Variants in SVOPL observed in about 807,000 individuals in gnomAD.
SVOPL encodes putative transporter SVOPL.
SVOPL carries 60 observed loss-of-function variants against 61.0 expected under a neutral mutation model. That is an observed-to-expected ratio of 0.98 (90% CI 0.80 to 1.22). The LOEUF (loss-of-function observed/expected upper bound fraction) is 1.22, where lower values mean the gene tolerates loss of function less well. Ranked by LOEUF, SVOPL falls within the 50% of genes most tolerant of loss-of-function variation. SVOPL has a pLI of 0.00. For missense variants in SVOPL, 662 were observed against 643.9 expected (o/e 1.03, Z -0.30); for synonymous variants, 279 against 250.0 (o/e 1.12, Z -1.09).
At chr7:138,610,362 T>C (rs1327953934) in intron 14 of SVOPL, among the ~76,000 whole-genome samples, 1 of 152,034 alleles carries the variant, frequency 6.6e-6, no homozygotes, top group Non-Finnish European at 1.5e-5. Flanking sequence ...TTTTTTTTTT[T>C]ATTTGAGCCT....
At chr7:138,623,328 C>T (rs888594597) in intron 13 of SVOPL, among the ~76,000 whole-genome samples, 4 of 152,232 alleles carry the variant, frequency 2.6e-5, no homozygotes, top group African/African-American at 4.8e-5. Context: ...TGGCTGGGCA[C>T]GGTGGCTCAC....
At chr7:138,637,475 GAT>G (rs1198640384) in intron 9 of SVOPL, among the ~76,000 whole-genome samples, 43 of 14,140 alleles carry the variant, frequency 3.0e-3, no homozygotes, top group African/African-American at 0.012. Context: ...TATAGATATA[GAT>G]ATAGATATAG....
intron 9 of SVOPL, 106 bp from the exon 10 acceptor site, chr7:138,630,228 T>C (rs1028282898): frequency 5.5e-6 from 5 of 910,192 alleles, no homozygotes; most frequent in African/African-American, 1.6e-5. Context: ...TGGAGCATGG[T>C]GGCCTGCGAT....
At chr7:138,648,532 CCA>C (rs1491527944) in intron 8 of SVOPL, among the ~76,000 whole-genome samples, 8,811 of 103,980 alleles carry the variant, frequency 0.085, 213 homozygotes, top group Non-Finnish European at 0.11. Flanking sequence ...TACTAAAAAT[CCA>C]AAAAAAAAAA....
chr7:138,675,326 C>T (rs1037821705), intron 3 of SVOPL, among the ~76,000 whole-genome samples: 2 of 152,056 alleles, frequency 1.3e-5, no homozygotes, highest in East Asian at 3.9e-4. Flanking sequence ...CACATGGCTA[C>T]CTCCAGATCA....
chr7:138,652,118 C>T (rs929701748), intron 7 of SVOPL, among the ~76,000 whole-genome samples: 1 of 152,010 alleles, frequency 6.6e-6, no homozygotes, highest in Admixed American at 6.6e-5. Flanking sequence ...GAGACAGGAT[C>T]TTGGCTCACT....
rs766693719 is a variant in SVOPL, at chr7:138,621,053, A to G, written c.1346T>C (p.Ile449Thr). The change falls in exon 14 of 16, where the codon ATA (isoleucine) becomes ACA (threonine). Residue 449 changes from isoleucine (I) to threonine (T), a missense_variant. Transcript: ENST00000674285. The stretch of plus-strand genomic sequence containing the variant: ...CAGGGTCCTTGGCTGTACCTGGGAT[A>G]TAAATGGTGCCACCATTGCACCAAT... Reference protein sequence around the residue: ...CRIGAMVAPFISQVLMSASIL... With the variant: ...CRIGAMVAPFTSQVLMSASIL... 1 of 1,613,640 alleles carries G rather than the reference A, an allele frequency of 6.2e-7. No homozygotes were observed. Among genetic ancestry groups the G allele is most frequent in the East Asian group, 2.2e-5 (1 of 44,830 alleles).
intron 4 of SVOPL, among the ~76,000 whole-genome samples, chr7:138,670,453 T>C (rs1478823353): frequency 6.6e-6 from 1 of 152,154 alleles, no homozygotes; most frequent in Non-Finnish European, 1.5e-5. Context: ...TTTCAGACTT[T>C]TGCATTTTTG....
chr7:138,660,086 G>C, intron 5 of SVOPL, 98 bp from the exon 6 acceptor site: 2 of 1,504,984 alleles, frequency 1.3e-6, no homozygotes, highest in Admixed American at 4.2e-5. Flanking sequence ...CATCCTGATA[G>C]TTGCTTCTCT....
chr7:138,630,670 T>C (rs1412371800), intron 9 of SVOPL, among the ~76,000 whole-genome samples: 4 of 152,052 alleles, frequency 2.6e-5, no homozygotes. Context: ...GGGCTGGGTG[T>C]GGGGGCTCAC....
chr7:138,644,998 G>A (rs531872999), intron 8 of SVOPL, among the ~76,000 whole-genome samples, 153 bp from the exon 9 acceptor site: 5 of 152,226 alleles, frequency 3.3e-5, no homozygotes, highest in African/African-American at 1.2e-4. Context: ...GTATTCTGTT[G>A]GATTCAAAGT....
chr7:138,594,381 C>A lies in SVOPL; in HGVS notation c.*229G>T. 3.1e-6 allele frequency: 1 copy of A among 325,846 alleles called. No individual in the cohort carries two copies. Among genetic ancestry groups the A allele is most frequent in the Non-Finnish European group, 5.5e-6 (1 of 180,218 alleles). The allele number at this position is 325,846 out of a possible 1,614,324, so 20.2% of individuals were successfully genotyped here. A position where few individuals can be genotyped will look rare whatever the true frequency, so the allele number is the denominator to read the frequency against. ...CCCCCCACCATCTCCCTCTCACACC[C>A]CTTTGAAAGCTTAAATTATATTTTA... On this transcript the variant is annotated 3_prime_UTR_variant, in exon 16 of 16. Coordinates refer to ENST00000674285, the MANE Select transcript of SVOPL (RefSeq NM_001139456.2).
At chr7:138,663,817 G>A (rs1228351446) in intron 4 of SVOPL, among the ~76,000 whole-genome samples, 2 of 150,180 alleles carry the variant, frequency 1.3e-5, no homozygotes, top group African/African-American at 2.5e-5. Context: ...CGGCCTCCAG[G>A]GCAATCAAAG....
At chr7:138,598,990 T>A (rs770396484) in intron 14 of SVOPL, among the ~76,000 whole-genome samples, 1 of 150,788 alleles carries the variant, frequency 6.6e-6, no homozygotes, top group Non-Finnish European at 1.5e-5. Context: ...CTGGGCAGAG[T>A]AGCATGCACC....
At position 138,633,531 on chromosome 7, in the gene SVOPL, C is replaced by T. The variant is rs1048295167; in HGVS notation, c.790-3409G>A. Among the ~76,000 whole-genome samples, 8 of 152,154 alleles carry T rather than the reference C, an allele frequency of 5.3e-5. No individual in the cohort carries two copies. In the East Asian group the frequency reaches 5.8e-4, roughly 11 times the overall value. On this transcript the variant is annotated intron_variant, in intron 9 of 15. Transcript: ENST00000674285. ...CTTCCTGAGGCCTCACCAGAAGCCA[C>T]GCAGATGCTGGTGCCGTGATTGTAC...
At chr7:138,650,898 T>G (rs1026174205) in intron 7 of SVOPL, among the ~76,000 whole-genome samples, 29 of 148,160 alleles carry the variant, frequency 2.0e-4, no homozygotes, top group African/African-American at 7.3e-4. Context: ...TATTGCCAAG[T>G]GTATAAGGCT....
intron 14 of SVOPL, among the ~76,000 whole-genome samples, chr7:138,603,931 C>G (rs80289675): frequency 0.061 from 8,743 of 144,074 alleles, 304 homozygotes; most frequent in Middle Eastern, 0.1. Context: ...AAAATTATTT[C>G]TGTCTCAAAA....
intron 9 of SVOPL, among the ~76,000 whole-genome samples, chr7:138,632,495 C>T (rs1452252823): frequency 6.6e-6 from 1 of 151,532 alleles, no homozygotes; most frequent in Non-Finnish European, 1.5e-5. Flanking sequence ...TGGATGGGGG[C>T]CGCAAGCTGA....
intron 1 of SVOPL, among the ~76,000 whole-genome samples, chr7:138,685,540 C>T (rs1802788851): frequency 6.6e-6 from 1 of 152,058 alleles, no homozygotes. Flanking sequence ...CTATAGTTAA[C>T]AATATGGTAT....
Sources: gnomAD v4.1 joint callset for allele counts (sites outside exome capture counted in the v4.1 genomes callset) on GRCh38, gnomAD v4.1.1 for gene constraint, MANE v1.5 for transcripts, NCBI Gene and HGNC (gene_info 2026-07-23, HGNC 2026-07-21) for gene names.